SIPA1L3: variants seen among roughly 807,000 people sequenced by gnomAD.
The protein encoded by SIPA1L3 is signal-induced proliferation-associated 1-like protein 3.
In SIPA1L3, 59 loss-of-function variants were observed where a neutral mutation model predicts 150.1. The ratio of observed to expected loss-of-function variants is 0.39; its 90% confidence interval spans 0.32 to 0.49. The LOEUF (loss-of-function observed/expected upper bound fraction) is 0.49. Ranked by LOEUF, SIPA1L3 falls within the 20% of genes least tolerant of loss-of-function variation. The pLI is 0.86. For synonymous variants in SIPA1L3, 1,070 were observed against 1,077.6 expected (o/e 0.99, Z 0.14); for missense variants, 2,211 against 2,489.5 (o/e 0.89, Z 2.38).
At chr19:37,945,324 T>C (rs569369951) in intron 1 of SIPA1L3, among the ~76,000 whole-genome samples, 1 of 151,852 alleles carries the variant, frequency 6.6e-6, no homozygotes, top group African/African-American at 2.4e-5. Context: ...AACCTCCACC[T>C]CCCAGGTTCA....
intron 10 of SIPA1L3, among the ~76,000 whole-genome samples, chr19:38,131,891 A>C (rs533999529): frequency 2.2e-4 from 29 of 134,386 alleles, no homozygotes; most frequent in Non-Finnish European, 4.0e-4. Context: ...TCGGCCTCCC[A>C]AAGTGCTGGA....
At chr19:38,166,550 T>C (rs1304517251) in intron 15 of SIPA1L3, among the ~76,000 whole-genome samples, 1 of 151,688 alleles carries the variant, frequency 6.6e-6, no homozygotes, top group Non-Finnish European at 1.5e-5. Context: ...ATGGAGGCAA[T>C]GAGCCACCTT....
chr19:37,947,563 C>T (rs2046724020), intron 1 of SIPA1L3, among the ~76,000 whole-genome samples: 1 of 152,048 alleles, frequency 6.6e-6, no homozygotes, highest in Non-Finnish European at 1.5e-5. Flanking sequence ...CTAAATAATC[C>T]GTTCTTTCCC....
intron 1 of SIPA1L3, among the ~76,000 whole-genome samples, chr19:38,024,249 A>G (rs531855350): frequency 1.3e-5 from 2 of 152,286 alleles, no homozygotes; most frequent in East Asian, 3.9e-4. Flanking sequence ...CCTGCTTCAT[A>G]GGGTTTCATG....
At chr19:37,968,271 C>T (rs1399194822) in intron 1 of SIPA1L3, among the ~76,000 whole-genome samples, 2 of 152,082 alleles carry the variant, frequency 1.3e-5, no homozygotes, top group Non-Finnish European at 1.5e-5. Flanking sequence ...CGGGGTTTCA[C>T]CATATTGGCC....
intron 15 of SIPA1L3, among the ~76,000 whole-genome samples, chr19:38,172,538 G>A (rs957872938): frequency 1.3e-5 from 2 of 152,136 alleles, no homozygotes; most frequent in Admixed American, 6.5e-5. Context: ...AGGAGGTGAT[G>A]CGTTGTAGGA....
intron 1 of SIPA1L3, among the ~76,000 whole-genome samples, chr19:37,986,013 A>G (rs947520718): frequency 6.6e-6 from 1 of 152,226 alleles, no homozygotes; most frequent in Non-Finnish European, 1.5e-5. Flanking sequence ...CCTTCCCCAG[A>G]TAGATCAGCT....
At chr19:38,116,650 C>T (rs1970891749) in intron 8 of SIPA1L3, among the ~76,000 whole-genome samples, 1 of 151,628 alleles carries the variant, frequency 6.6e-6, no homozygotes, top group Admixed American at 6.6e-5. Context: ...GAATTCGAGA[C>T]CAGCCTGGCC....
intron 1 of SIPA1L3, among the ~76,000 whole-genome samples, chr19:37,915,641 C>G (rs2046409044): frequency 6.6e-6 from 1 of 152,214 alleles, no homozygotes; most frequent in East Asian, 1.9e-4. Flanking sequence ...CTCAGCCTCC[C>G]AAAGTGTTGA....
chr19:37,916,788 C>T (rs777262946), intron 1 of SIPA1L3, among the ~76,000 whole-genome samples: 34 of 152,106 alleles, frequency 2.2e-4, no homozygotes, highest in Non-Finnish European at 4.3e-4. Flanking sequence ...GGTGAAATCC[C>T]ATCTCTACTT....
intron 2 of SIPA1L3, among the ~76,000 whole-genome samples, chr19:38,050,533 C>T (rs527642827): frequency 9.2e-5 from 14 of 152,294 alleles, no homozygotes; most frequent in East Asian, 3.9e-4. Flanking sequence ...TCACTATCAC[C>T]GTCATTATTA....
chr19:37,954,374 C>A (rs1167201983), intron 1 of SIPA1L3, among the ~76,000 whole-genome samples: 1 of 152,064 alleles, frequency 6.6e-6, no homozygotes, highest in African/African-American at 2.4e-5. Context: ...TTATTGTTCA[C>A]TAAAGGCTAC....
chr19:37,998,967 C>T (rs147726305), intron 1 of SIPA1L3, among the ~76,000 whole-genome samples: 1 of 144,370 alleles, frequency 6.9e-6, no homozygotes, highest in African/African-American at 2.6e-5. Context: ...GAACAAAAAC[C>T]AGCCCTATCT....
At chr19:38,180,836 C>T (rs948281642) in intron 15 of SIPA1L3, among the ~76,000 whole-genome samples, 9 of 152,160 alleles carry the variant, frequency 5.9e-5, no homozygotes, top group African/African-American at 1.4e-4. Flanking sequence ...TGAGCCACCG[C>T]GCCCGGCCAG....
chr19:37,988,335 A>G (rs1050915615), intron 1 of SIPA1L3, among the ~76,000 whole-genome samples: 1 of 152,204 alleles, frequency 6.6e-6, no homozygotes, highest in Non-Finnish European at 1.5e-5. Flanking sequence ...CCTGGGCAAC[A>G]TAGACCCTGT....
Position 38,166,332 on chromosome 19 carries a change from C to T in SIPA1L3, c.4208+1426C>T, listed in dbSNP as rs190012451. 6.2e-4 allele frequency among the ~76,000 whole-genome samples: 94 copies of T among 151,986 alleles called. 3 individuals are homozygous for T. The East Asian group carries it at 0.016, about 25-fold the overall frequency. On this transcript the variant is annotated intron_variant, in intron 15 of 21. Transcript: ENST00000222345. ...ATTAGCCAGGCATGGTAGTGGGCGC[C>T]TGTAGTCCCAGCTACTTGGGAGGCT...
At position 38,082,727 on chromosome 19, in the gene SIPA1L3, C is replaced by T. The variant is rs1273833572; in HGVS notation, c.1162C>T (p.Arg388Trp). 1.2e-6 allele frequency: 2 copies of T among 1,611,872 alleles called. No individual in the cohort carries two copies. Among genetic ancestry groups the T allele is most frequent in the Non-Finnish European group, 8.5e-7 (1 of 1,179,514 alleles). ...GGCCATGGCCTCCCTCACGGCCTCG[C>T]GGGCCCACAGCCTCGGAGGCCTGGA... is the stretch of plus-strand genomic sequence containing the variant. ...ASAMASLTASRAHSLGGLDPA... is the reference protein window; with the variant it reads ...ASAMASLTASWAHSLGGLDPA... Residue 388 changes from arginine (R) to tryptophan (W), a missense_variant, in exon 3 of 22, where the codon CGG (arginine) becomes TGG (tryptophan). Around this residue, in one of 5 missense-constraint regions of SIPA1L3, gnomAD observed 587 missense variants for 534.5 expected, o/e 1.10. Coordinates refer to ENST00000222345, the MANE Select transcript of SIPA1L3 (RefSeq NM_015073.3).
chr19:38,086,036 A>G (rs1285193609), intron 3 of SIPA1L3, among the ~76,000 whole-genome samples: 1 of 152,068 alleles, frequency 6.6e-6, no homozygotes, highest in Non-Finnish European at 1.5e-5. Flanking sequence ...TACGGGGAGA[A>G]GTAGAAAAAC....
Position 38,193,583 on chromosome 19 carries a change from T to C in SIPA1L3, c.4643T>C (p.Leu1548Pro), listed in dbSNP as rs759200963. 2 of 1,550,120 alleles carry C rather than the reference T, an allele frequency of 1.3e-6. No homozygotes were observed. Among genetic ancestry groups the C allele is most frequent in the Non-Finnish European group, 1.7e-6 (2 of 1,158,786 alleles). ...CAGCGGACGCTGTCGGACGAGAGCC[T>C]GTGCAGCGGGCGCCGGGAGCCCAGC... ...GLQRTLSDES[L>P]CSGRREPSFA... The change falls in exon 18 of 22, where the codon CTG becomes CCG. Residue 1548 changes from leucine to proline, a missense_variant. Physicochemically the swap from Leu to Pro is moderately conservative, Grantham distance 98 (BLOSUM62 -3). Around this residue, in one of 5 missense-constraint regions of SIPA1L3, gnomAD observed 806 missense variants for 870.1 expected, o/e 0.93. Transcript: ENST00000222345.
Sources: allele counts gnomAD v4.1 joint callset (sites outside exome capture counted in the v4.1 genomes callset), GRCh38; gene constraint gnomAD v4.1.1; regional missense constraint gnomAD v4.1.1; transcripts MANE v1.5; gene names NCBI Gene and HGNC (gene_info 2026-07-23, HGNC 2026-07-21).